Variants in NAV2 observed in about 807,000 individuals in gnomAD.
The protein encoded by NAV2 is neuron navigator 2, also known as helicase, APC down-regulated 1.
A neutral mutation model predicts 223.2 loss-of-function variants in NAV2; 54 were observed. The ratio of observed to expected loss-of-function variants is 0.24; its 90% CI spans 0.19 to 0.30. The LOEUF (loss-of-function observed/expected upper bound fraction) is 0.30. Among genes scored for constraint, NAV2 ranks in the 10% least tolerant of loss-of-function variants. The pLI is 1.00. For synonymous variants in NAV2, 1,279 were observed against 1,239.3 expected, an observed-to-expected ratio of 1.03 and a Z score of -0.67; for missense variants, 2,806 against 3,147.5, an observed-to-expected ratio of 0.89 and a Z score of 2.60.
At chr11:19,672,735 G>T (rs2048605620) in intron 1 of NAV2, among the ~76,000 whole-genome samples, 1 of 152,128 alleles carries the variant, frequency 6.6e-6, no homozygotes, top group Admixed American at 6.5e-5. Flanking sequence ...ACACCAACCA[G>T]CTCAGGCTCA....
intron 1 of NAV2, among the ~76,000 whole-genome samples, chr11:19,675,570 C>T (rs1252920338): frequency 6.6e-6 from 1 of 152,198 alleles, no homozygotes; most frequent in Non-Finnish European, 1.5e-5. Context: ...CAGGACATAG[C>T]AAATAGGTGT....
At chr11:19,633,958 A>G (rs1488070670) in intron 1 of NAV2, among the ~76,000 whole-genome samples, 3 of 152,242 alleles carry the variant, frequency 2.0e-5, no homozygotes, top group Non-Finnish European at 4.4e-5. Flanking sequence ...CATAGGATGG[A>G]CTTATGAAAT....
intron 8 of NAV2, 52 bp downstream of exon 8, chr11:19,939,825 G>A (rs370076160): frequency 4.5e-4 from 586 of 1,314,548 alleles, no homozygotes; most frequent in Non-Finnish European, 5.8e-4. Context: ...GGCCTTCCAC[G>A]CAATACCTGC....
At chr11:19,560,623 G>A (rs2134759822) in intron 1 of NAV2, among the ~76,000 whole-genome samples, 1 of 152,292 alleles carries the variant, frequency 6.6e-6, no homozygotes, top group South Asian at 2.1e-4. Flanking sequence ...AAACTCTAAA[G>A]CACTGTACAA....
intron 10 of NAV2, among the ~76,000 whole-genome samples, chr11:19,970,858 A>G (rs1443843053): frequency 6.6e-6 from 1 of 152,218 alleles, no homozygotes; most frequent in African/African-American, 2.4e-5. Flanking sequence ...CATTAAACCA[A>G]GTAATCTTTG....
chr11:19,559,721 T>C (rs2045031518), intron 1 of NAV2, among the ~76,000 whole-genome samples: 2 of 152,218 alleles, frequency 1.3e-5, no homozygotes, highest in Admixed American at 1.3e-4. Flanking sequence ...CATTCTCATC[T>C]GTGCAGTAAG....
intron 12 of NAV2, among the ~76,000 whole-genome samples, chr11:20,041,445 TA>T (rs2056907777): frequency 6.6e-6 from 1 of 152,212 alleles, no homozygotes; most frequent in Non-Finnish European, 1.5e-5. Flanking sequence ...TGGGACGTAG[TA>T]AGTACTCAAT....
chr11:19,513,416 C>G (rs931895867), intron 1 of NAV2, among the ~76,000 whole-genome samples: 4 of 152,144 alleles, frequency 2.6e-5, no homozygotes, highest in African/African-American at 7.2e-5. Context: ...GTGATGGCAC[C>G]CTGATGTGGC....
chr11:19,390,619 T>G (rs1478780540), intron 1 of NAV2, among the ~76,000 whole-genome samples: 1 of 152,114 alleles, frequency 6.6e-6, no homozygotes, highest in Non-Finnish European at 1.5e-5. Flanking sequence ...ATAGAGTGAT[T>G]GGGTTGATGG....
intron 1 of NAV2, among the ~76,000 whole-genome samples, chr11:19,481,849 G>T (rs936755495): frequency 6.6e-6 from 1 of 152,204 alleles, no homozygotes; most frequent in African/African-American, 2.4e-5. Flanking sequence ...GGCCCACAAA[G>T]GTGGGGAGGG....
At chr11:19,510,651 C>CATTG (rs1564999738) in intron 1 of NAV2, among the ~76,000 whole-genome samples, 3 of 152,212 alleles carry the variant, frequency 2.0e-5, no homozygotes, top group African/African-American at 7.2e-5. Flanking sequence ...GCCCGAAGTC[C>CATTG]GTTGGTCATT....
At chr11:19,541,563 C>T (rs2044343085) in intron 1 of NAV2, among the ~76,000 whole-genome samples, 1 of 152,204 alleles carries the variant, frequency 6.6e-6, no homozygotes, top group Non-Finnish European at 1.5e-5. Context: ...AGGACTCCTC[C>T]ACTGTGCCTG....
At chr11:19,974,035 C>T (rs1454081410) in intron 10 of NAV2, among the ~76,000 whole-genome samples, 6 of 152,198 alleles carry the variant, frequency 3.9e-5, no homozygotes, top group Non-Finnish European at 7.3e-5. Flanking sequence ...TGGGGATCAG[C>T]TTCAACCTAG....
intron 1 of NAV2, among the ~76,000 whole-genome samples, chr11:19,621,469 C>T (rs1397449440): frequency 6.6e-6 from 1 of 152,202 alleles, no homozygotes; most frequent in East Asian, 1.9e-4. Context: ...CAACTTCTTC[C>T]TGGCTTAGTC....
At chr11:19,655,798 T>C (rs1319537647) in intron 1 of NAV2, among the ~76,000 whole-genome samples, 1 of 150,890 alleles carries the variant, frequency 6.6e-6, no homozygotes, top group Non-Finnish European at 1.5e-5. Flanking sequence ...TGTTAAATGA[T>C]GAGTTAATGG....
intron 26 of NAV2, among the ~76,000 whole-genome samples, chr11:20,088,375 C>T (rs928478202): frequency 1.7e-4 from 26 of 152,282 alleles, no homozygotes; most frequent in Middle Eastern, 3.4e-3. Context: ...TTAGTAGAGA[C>T]GGGGTTTCGC....
chr11:19,889,130 T>A (rs542923754), intron 5 of NAV2, among the ~76,000 whole-genome samples: 31 of 152,280 alleles, frequency 2.0e-4, no homozygotes, highest in Admixed American at 1.5e-3. Flanking sequence ...TACTTAAAAG[T>A]TCAGTCTGAA....
Position 19,681,690 on chromosome 11 carries a change from G to A in NAV2, c.76-150794G>A, listed in dbSNP as rs540110677. On this transcript the variant is annotated intron_variant, in intron 1 of 37. Transcript: ENST00000360655. ...TCTGGCCAGCCTTTGGCAAGTCTGGGATTGGAGTACAGGAAATCTCTCTAT... is the reference window on the plus strand; with the variant it reads ...TCTGGCCAGCCTTTGGCAAGTCTGGAATTGGAGTACAGGAAATCTCTCTAT... Among the ~76,000 whole-genome samples, 32 of 152,320 alleles carry A rather than the reference G, an allele frequency of 2.1e-4. No homozygotes were observed. The South Asian group carries it at 3.1e-3, about 15-fold the overall frequency.
intron 1 of NAV2, among the ~76,000 whole-genome samples, chr11:19,585,548 T>C (rs2045867782): frequency 6.6e-6 from 1 of 152,212 alleles, no homozygotes; most frequent in Non-Finnish European, 1.5e-5. Flanking sequence ...AGTGCTTCCT[T>C]CAGGAGCTCT....
Sources: gnomAD v4.1 joint callset for allele counts (sites outside exome capture counted in the v4.1 genomes callset) on GRCh38, gnomAD v4.1.1 for gene constraint, MANE v1.5 for transcripts, NCBI Gene and HGNC (gene_info 2026-07-23, HGNC 2026-07-21) for gene names.